Variants in NCAM2 observed in about 807,000 individuals in gnomAD.
NCAM2 encodes the protein N-CAM-2.
Under a neutral mutation model 98.1 loss-of-function variants are expected in NCAM2, and 30 were observed. The observed-to-expected ratio is 0.31, with a 90% confidence interval of 0.23 to 0.41. NCAM2 has a LOEUF of 0.41. Among genes scored for constraint, NCAM2 ranks in the 10% least tolerant of loss-of-function variants. The pLI is 1.00. For missense variants in NCAM2, 867 were observed against 1,005.8 expected (o/e 0.86, Z 1.87); for synonymous variants, 368 against 342.4 (o/e 1.07, Z -0.83).
intron 1 of NCAM2, among the ~76,000 whole-genome samples, chr21:21,080,450 C>T (rs534572821): frequency 6.6e-6 from 1 of 151,776 alleles, no homozygotes; most frequent in East Asian, 1.9e-4. Flanking sequence ...AACCCCATCT[C>T]CACTAAAAAT....
chr21:21,047,647 A>G (rs1462454824), intron 1 of NCAM2, among the ~76,000 whole-genome samples: 1 of 152,248 alleles, frequency 6.6e-6, no homozygotes, highest in African/African-American at 2.4e-5. Flanking sequence ...CTAATAGTTA[A>G]ACTTATTGAA....
chr21:21,434,430 A>G (rs1030751966), intron 12 of NCAM2, among the ~76,000 whole-genome samples: 4 of 152,214 alleles, frequency 2.6e-5, no homozygotes, highest in African/African-American at 9.7e-5. Flanking sequence ...TTTGAGGAAA[A>G]TGACAGCATT....
chr21:21,369,337 G>A (rs1047513649), intron 8 of NCAM2, among the ~76,000 whole-genome samples: 4 of 151,446 alleles, frequency 2.6e-5, no homozygotes, highest in African/African-American at 4.8e-5. Context: ...ATATTCCTTT[G>A]TATGTTTATA....
At chr21:21,261,972 C>G (rs2071918360) in intron 1 of NCAM2, among the ~76,000 whole-genome samples, 1 of 151,900 alleles carries the variant, frequency 6.6e-6, no homozygotes, top group African/African-American at 2.4e-5. Flanking sequence ...GCTAGATTAA[C>G]TAAGAAAAAA....
chr21:21,421,272 A>G (rs567203459), intron 11 of NCAM2, among the ~76,000 whole-genome samples: 1 of 152,120 alleles, frequency 6.6e-6, no homozygotes, highest in South Asian at 2.1e-4. Flanking sequence ...GTTCATTGAA[A>G]AATATATTTG....
intron 1 of NCAM2, among the ~76,000 whole-genome samples, chr21:21,130,537 G>A (rs2826669): frequency 0.52 from 79,079 of 151,892 alleles, 21,961 homozygotes; most frequent in South Asian, 0.63. Flanking sequence ...TAACAAAGAA[G>A]TATATATAAT....
chr21:21,484,778 A>C (rs899680342), intron 15 of NCAM2, among the ~76,000 whole-genome samples: 10 of 152,180 alleles, frequency 6.6e-5, no homozygotes. Flanking sequence ...AAGGAAATTC[A>C]ATCGGGATTG....
chr21:21,053,109 T>C (rs1457921623), intron 1 of NCAM2, among the ~76,000 whole-genome samples: 1 of 151,934 alleles, frequency 6.6e-6, no homozygotes, highest in Non-Finnish European at 1.5e-5. Context: ...TGTGAAGATA[T>C]TAAATAGTTA....
At chr21:21,019,677 C>G (rs2064387248) in intron 1 of NCAM2, among the ~76,000 whole-genome samples, 1 of 151,942 alleles carries the variant, frequency 6.6e-6, no homozygotes, top group Non-Finnish European at 1.5e-5. Context: ...AAAAAATATT[C>G]AAAGAAAATT....
intron 1 of NCAM2, among the ~76,000 whole-genome samples, chr21:21,164,305 A>G (rs898954568): frequency 1.3e-5 from 2 of 152,188 alleles, no homozygotes; most frequent in African/African-American, 4.8e-5. Flanking sequence ...AATTTCATGG[A>G]TGATTACAAA....
intron 14 of NCAM2, among the ~76,000 whole-genome samples, chr21:21,469,788 AT>A (rs1245305794): frequency 6.6e-6 from 1 of 152,024 alleles, no homozygotes; most frequent in Non-Finnish European, 1.5e-5. Flanking sequence ...TATCAAATCA[AT>A]TTTTAAAATT....
chr21:21,341,101 G>A (rs941216014), intron 8 of NCAM2, among the ~76,000 whole-genome samples: 1 of 151,916 alleles, frequency 6.6e-6, no homozygotes, highest in African/African-American at 2.4e-5. Flanking sequence ...ACATAATACA[G>A]CTTAGAAATG....
intron 1 of NCAM2, among the ~76,000 whole-genome samples, chr21:21,174,272 A>G (rs1044538822): frequency 2.0e-5 from 3 of 152,140 alleles, no homozygotes; most frequent in African/African-American, 4.8e-5. Flanking sequence ...TGCATGGATC[A>G]TATTATGTGA....
At chr21:21,017,877 G>A (rs1184826796) in intron 1 of NCAM2, among the ~76,000 whole-genome samples, 4 of 151,982 alleles carry the variant, frequency 2.6e-5, no homozygotes, top group Non-Finnish European at 4.4e-5. Flanking sequence ...TTGTGTGTGT[G>A]TATATACTTA....
chr21:21,146,871 T>C (rs1268042475), intron 1 of NCAM2, among the ~76,000 whole-genome samples: 2 of 152,130 alleles, frequency 1.3e-5, no homozygotes, highest in Admixed American at 6.6e-5. Context: ...GTGGAACTAC[T>C]CCAGTACCAG....
At chr21:21,256,093 G>A (rs563764108) in intron 1 of NCAM2, among the ~76,000 whole-genome samples, 50 of 152,268 alleles carry the variant, frequency 3.3e-4, no homozygotes, top group Non-Finnish European at 5.7e-4. Context: ...AGTGGCTCAC[G>A]CCTGTAATCC....
intron 8 of NCAM2, among the ~76,000 whole-genome samples, chr21:21,347,365 C>A (rs938157689): frequency 1.3e-5 from 2 of 151,894 alleles, no homozygotes; most frequent in East Asian, 1.9e-4. Flanking sequence ...CCAAAGCTGT[C>A]CTAAGCAAAA....
At chr21:21,445,147 G>A (rs1979913116) in intron 12 of NCAM2, among the ~76,000 whole-genome samples, 1 of 152,136 alleles carries the variant, frequency 6.6e-6, no homozygotes, top group African/African-American at 2.4e-5. Context: ...GTGGTTTTGA[G>A]TGAGTTTCTT....
intron 15 of NCAM2, among the ~76,000 whole-genome samples, chr21:21,494,907 A>T (rs998431187): frequency 4.6e-5 from 7 of 151,642 alleles, no homozygotes; most frequent in East Asian, 1.9e-4. Flanking sequence ...TTTTTAGCCA[A>T]TTTTTTTCAA....
Sources: allele counts gnomAD v4.1 joint callset (sites outside exome capture counted in the v4.1 genomes callset), GRCh38; gene constraint gnomAD v4.1.1; transcripts MANE v1.5; gene names NCBI Gene and HGNC (gene_info 2026-07-23, HGNC 2026-07-21).